The following DZIP3 variants were observed in gnomAD, a reference collection of about 807,000 sequenced individuals.
DZIP3 encodes the protein DAZ interacting zinc finger protein 3.
DZIP3 carries 118 observed loss-of-function variants against 162.0 expected under a neutral mutation model. That is an observed-to-expected ratio of 0.73 (90% confidence interval 0.63 to 0.85). The LOEUF (loss-of-function observed/expected upper bound fraction) is 0.85. Among genes scored for constraint, DZIP3 ranks in the 40% least tolerant of loss-of-function variants. The probability of loss-of-function intolerance (pLI) is 0.00; values close to 1 mark genes in which losing one functional copy is unlikely to be tolerated. For synonymous variants in DZIP3, 438 were observed against 458.6 expected (o/e 0.96, Z 0.57); for missense variants, 1,331 against 1,407.0 (o/e 0.95, Z 0.86).
intron 18 of DZIP3, among the ~76,000 whole-genome samples, chr3:108,653,522 T>TAC (rs1942967987): frequency 7.1e-6 from 1 of 141,798 alleles, no homozygotes; most frequent in Non-Finnish European, 1.5e-5. Context: ...TATATATATA[T>TAC]ATATATATAT....
intron 4 of DZIP3, among the ~76,000 whole-genome samples, chr3:108,611,826 A>G (rs569994712): frequency 1.3e-5 from 2 of 152,152 alleles, no homozygotes; most frequent in Admixed American, 6.5e-5. Context: ...TTAGCTGGGC[A>G]TGGTGGCACA....
At chr3:108,684,452 G>A in intron 27 of DZIP3, 111 bp downstream of exon 27, 1 of 1,319,596 alleles carries the variant, frequency 7.6e-7, no homozygotes, top group Non-Finnish European at 1.0e-6. Context: ...TAATGATGGG[G>A]GTGGTGGTGA....
At chr3:108,618,161 G>T (rs1941116836) in intron 5 of DZIP3, among the ~76,000 whole-genome samples, 2 of 152,142 alleles carry the variant, frequency 1.3e-5, no homozygotes, top group South Asian at 4.1e-4. Context: ...TTTGCTGATG[G>T]GGAGAAGGTA....
rs770449172 is a variant in DZIP3, at chr3:108,624,544, C to T, written c.456+20C>T. On this transcript the variant is annotated intron_variant, in intron 6 of 32. Coordinates refer to ENST00000361582, the MANE Select transcript of DZIP3 (RefSeq NM_014648.4). Reference sequence around the variant, plus strand: ...AAAGAGGTATGTAACATGTTATTTGCCCTTTATAAATCTTTTTACATCTTG... The same window carrying T: ...AAAGAGGTATGTAACATGTTATTTGTCCTTTATAAATCTTTTTACATCTTG... 1 of 1,390,310 alleles carries T rather than the reference C, an allele frequency of 7.2e-7. No individual in the cohort carries two copies. The highest frequency in any genetic ancestry group is 1.3e-5 in the South Asian group (1 of 74,292). The allele number at this position is 1,390,310 out of a possible 1,614,324, so 86.1% of individuals were successfully genotyped here.
chr3:108,644,766 T>C lies in DZIP3; in HGVS notation c.1744T>C (p.Ser582Pro), dbSNP rs771656954. The change falls in exon 14 of 33, where the codon TCC (serine) becomes CCC (proline). Residue 582 changes from serine (S) to proline (P), a missense_variant. By Grantham distance (74) the Ser-to-Pro change is moderately conservative. This residue lies in a region of DZIP3 where 1,278 missense variants were observed against 1,317.1 expected (regional missense o/e 0.97). Coordinates refer to ENST00000361582, the MANE Select transcript of DZIP3 (RefSeq NM_014648.4). ...PVPEIIQRMLSCYQQGIALQS... is the reference protein window; with the variant it reads ...PVPEIIQRMLPCYQQGIALQS... ...ACCAGAAATCATACAGAGGATGTTA[T>C]CCTGCTATCAACAAGGTACTAAATG... is the stretch of plus-strand genomic sequence containing the variant. 1 of 1,601,192 alleles carries C rather than the reference T, an allele frequency of 6.2e-7. No individual in the cohort carries two copies. Among genetic ancestry groups the C allele is most frequent in the African/African-American group, 1.3e-5 (1 of 74,966 alleles).
chr3:108,682,488 C>T (rs13077922), intron 26 of DZIP3, among the ~76,000 whole-genome samples: 55,099 of 150,368 alleles, frequency 0.37, 11,117 homozygotes, highest in East Asian at 0.53. Context: ...CCCTGGAGGA[C>T]GTTATGTTAA....
chr3:108,619,593 G>T (rs1382473300), intron 5 of DZIP3, among the ~76,000 whole-genome samples: 1 of 151,760 alleles, frequency 6.6e-6, no homozygotes, highest in African/African-American at 2.4e-5. Flanking sequence ...CAAGCAGGCC[G>T]GAAGCAAAAA....
At chr3:108,643,736 A>AT (rs1942499175) in intron 13 of DZIP3, among the ~76,000 whole-genome samples, 1 of 151,948 alleles carries the variant, frequency 6.6e-6, no homozygotes, top group Non-Finnish European at 1.5e-5. Flanking sequence ...AATATAAAAC[A>AT]TTTTATCACA....
chr3:108,693,893 T>A lies in DZIP3; in HGVS notation c.*540T>A, dbSNP rs1292107319. 6.6e-6 allele frequency: 1 copy of A among 152,156 alleles called. No individual in the cohort carries two copies. The highest frequency in any genetic ancestry group is 1.5e-5 in the Non-Finnish European group (1 of 68,034). 9.4% of individuals were successfully genotyped at this position (152,156 alleles called of 1,614,324 possible). ...TTTTTGTGACAAAGTGAATACCCAC[T>A]GGGCTAAGTTTCATATCTAAAGCTT... On this transcript the variant is annotated 3_prime_UTR_variant, in exon 33 of 33. Coordinates refer to ENST00000361582, the MANE Select transcript of DZIP3 (RefSeq NM_014648.4).
At chr3:108,680,483 C>G (rs1944266374) in intron 26 of DZIP3, among the ~76,000 whole-genome samples, 1 of 152,060 alleles carries the variant, frequency 6.6e-6, no homozygotes, top group African/African-American at 2.4e-5. Context: ...AATAGCATTT[C>G]TGTTTACTAA....
chr3:108,637,314 C>CTCTAGT (rs1030346853), intron 11 of DZIP3, among the ~76,000 whole-genome samples, 182 bp from the exon 12 acceptor site: 2 of 151,962 alleles, frequency 1.3e-5, no homozygotes, highest in African/African-American at 4.8e-5. Context: ...TTAAGGTCAA[C>CTCTAGT]TCTAGTTCGT....
chr3:108,674,193 C>G lies in DZIP3; in HGVS notation c.2693+12C>G, dbSNP rs1032920557. On this transcript the variant is annotated intron_variant, in intron 24 of 32. Coordinates refer to ENST00000361582, the MANE Select transcript of DZIP3 (RefSeq NM_014648.4). ...CACATGGCAGCAAGGTAACCTTTCC[C>G]TCTTCCTTAATGCATCTTAATTTTA... 1.4e-5 allele frequency: 23 copies of G among 1,606,746 alleles called. No individual in the cohort carries two copies. Among genetic ancestry groups the G allele is most frequent in the Non-Finnish European group, 1.5e-5 (18 of 1,174,338 alleles).
At chr3:108,645,646 A>G (rs1394777308) in intron 14 of DZIP3, among the ~76,000 whole-genome samples, 1 of 152,200 alleles carries the variant, frequency 6.6e-6, no homozygotes, top group Non-Finnish European at 1.5e-5. Flanking sequence ...CAGCCTAATG[A>G]ACAACTGATA....
At chr3:108,684,370 T>TA (rs778724395) in intron 27 of DZIP3, 29 bp downstream of exon 27, 1 of 1,595,614 alleles carries the variant, frequency 6.3e-7, no homozygotes, top group Admixed American at 1.8e-5. Context: ...GAATAGATGT[T>TA]AATTAGTTTT....
chr3:108,594,307 ATTTAC>A (rs1461962518), intron 1 of DZIP3, among the ~76,000 whole-genome samples: 1 of 150,416 alleles, frequency 6.6e-6, no homozygotes, highest in Non-Finnish European at 1.5e-5. Flanking sequence ...TTCATCTTTT[ATTTAC>A]TTTGTTGTTT....
chr3:108,664,824 G>C (rs1042543394), intron 21 of DZIP3, among the ~76,000 whole-genome samples: 3 of 152,166 alleles, frequency 2.0e-5, no homozygotes, highest in African/African-American at 7.2e-5. Context: ...AGTGTGAGCT[G>C]GTGCTCCACT....
At chr3:108,655,277 C>T (rs1943055795) in intron 19 of DZIP3, among the ~76,000 whole-genome samples, 1 of 152,134 alleles carries the variant, frequency 6.6e-6, no homozygotes, top group Non-Finnish European at 1.5e-5. Context: ...ATAATGTTTA[C>T]AATCTAGTGG....
At chr3:108,644,054 T>A (rs1576406917) in intron 13 of DZIP3, 110 bp from the exon 14 acceptor site, 1 of 1,339,038 alleles carries the variant, frequency 7.5e-7, no homozygotes, top group African/African-American at 1.5e-5. Flanking sequence ...CTATCCTTCA[T>A]TCTTTTGGAA....
At chr3:108,592,530 C>A (rs1166837251) in intron 1 of DZIP3, among the ~76,000 whole-genome samples, 1 of 151,822 alleles carries the variant, frequency 6.6e-6, no homozygotes, top group East Asian at 1.9e-4. Flanking sequence ...CCCACCTCTA[C>A]TAAAAATACA....
Sources: gnomAD v4.1 joint callset for allele counts (sites outside exome capture counted in the v4.1 genomes callset) on GRCh38, gnomAD v4.1.1 for gene constraint, gnomAD v4.1.1 regional missense constraint, MANE v1.5 for transcripts, NCBI Gene and HGNC (gene_info 2026-07-23, HGNC 2026-07-21) for gene names.